The following BNC2 variants were observed in gnomAD, a reference collection of about 807,000 sequenced individuals.
The protein encoded by BNC2 is zinc finger protein basonuclin-2.
BNC2 carries 20 observed loss-of-function variants against 76.3 expected under a neutral mutation model. The observed-to-expected ratio is 0.26, with a 90% confidence interval of 0.18 to 0.38. The LOEUF (loss-of-function observed/expected upper bound fraction) is 0.38. BNC2 is among the 10% of genes least tolerant of loss of function. The pLI is 1.00. For missense variants in BNC2, 1,382 were observed against 1,399.8 expected (o/e 0.99, Z 0.20); for synonymous variants, 582 against 514.8 (o/e 1.13, Z -1.77).
chr9:16,476,603 T>C (rs1409854000), intron 5 of BNC2, among the ~76,000 whole-genome samples: 1 of 151,612 alleles, frequency 6.6e-6, no homozygotes, highest in Non-Finnish European at 1.5e-5. Context: ...TTTGACACTG[T>C]CCCCTCCCCC....
At chr9:16,776,743 G>A (rs564140411) in intron 1 of BNC2, among the ~76,000 whole-genome samples, 2 of 152,170 alleles carry the variant, frequency 1.3e-5, no homozygotes, top group African/African-American at 4.8e-5. Flanking sequence ...GAGGTGATAT[G>A]ATGGGCAACA....
chr9:16,780,346 G>T (rs12344799), intron 1 of BNC2, among the ~76,000 whole-genome samples: 69,057 of 151,510 alleles, frequency 0.46, 21,136 homozygotes, highest in Non-Finnish European at 0.69. Context: ...GGCCGAGGCT[G>T]GCAGATCATG....
At chr9:16,762,320 T>C (rs767060294) in intron 1 of BNC2, among the ~76,000 whole-genome samples, 5 of 152,188 alleles carry the variant, frequency 3.3e-5, no homozygotes, top group Non-Finnish European at 7.3e-5. Flanking sequence ...CAAAATGCCT[T>C]TGAACACTAT....
intron 3 of BNC2, among the ~76,000 whole-genome samples, chr9:16,666,249 T>A (rs79629668): frequency 0.02 from 3,016 of 152,302 alleles, 99 homozygotes; most frequent in African/African-American, 0.069. Flanking sequence ...CCAGAGGGCA[T>A]CTCTATCTAT....
intron 6 of BNC2, among the ~76,000 whole-genome samples, chr9:16,427,089 C>A (rs912690628): frequency 1.3e-5 from 2 of 152,184 alleles, no homozygotes; most frequent in African/African-American, 2.4e-5. Context: ...TCATTCCTGA[C>A]CAACAAAGAA....
intron 3 of BNC2, among the ~76,000 whole-genome samples, chr9:16,675,341 G>A (rs1199279857): frequency 2.0e-5 from 3 of 151,916 alleles, no homozygotes; most frequent in Non-Finnish European, 2.9e-5. Context: ...CACAACCTCT[G>A]CCTCCGGGCT....
chr9:16,844,921 A>C (rs1371101322), intron 1 of BNC2, among the ~76,000 whole-genome samples: 1 of 152,206 alleles, frequency 6.6e-6, no homozygotes, highest in Non-Finnish European at 1.5e-5. Flanking sequence ...AGTGTCCCTG[A>C]CCCACTAAAT....
chr9:16,795,933 G>A (rs565271602), intron 1 of BNC2, among the ~76,000 whole-genome samples: 1 of 152,288 alleles, frequency 6.6e-6, no homozygotes, highest in African/African-American at 2.4e-5. Flanking sequence ...GCACCTCCAA[G>A]AGCAAGCCAC....
chr9:16,625,021 T>G (rs907502950), intron 3 of BNC2, among the ~76,000 whole-genome samples: 5 of 152,228 alleles, frequency 3.3e-5, no homozygotes, highest in African/African-American at 9.6e-5. Context: ...GGAGTGCACA[T>G]TTTAGAAAGC....
intron 5 of BNC2, among the ~76,000 whole-genome samples, chr9:16,493,151 C>T (rs1260063111): frequency 1.3e-5 from 2 of 152,114 alleles, no homozygotes; most frequent in East Asian, 3.9e-4. Flanking sequence ...AGTACGCACG[C>T]AGAAAAAGCA....
intron 3 of BNC2, among the ~76,000 whole-genome samples, chr9:16,668,739 A>C (rs1822379451): frequency 6.6e-6 from 1 of 152,210 alleles, no homozygotes; most frequent in Non-Finnish European, 1.5e-5. Context: ...GGTTGCTGTT[A>C]CCTAGGGTAA....
At chr9:16,860,916 C>T (rs1011562059) in intron 1 of BNC2, among the ~76,000 whole-genome samples, 3 of 151,758 alleles carry the variant, frequency 2.0e-5, no homozygotes, top group Non-Finnish European at 4.4e-5. Flanking sequence ...CATGTTGGCA[C>T]ATGCCTGTAA....
chr9:16,559,033 T>A (rs1330144907), intron 4 of BNC2, among the ~76,000 whole-genome samples: 15 of 152,076 alleles, frequency 9.9e-5, no homozygotes, highest in Admixed American at 9.8e-4. Context: ...CTGCAATGAA[T>A]GGAATGAAGA....
In BNC2 at chr9:16,410,313, C is replaced by T. The variant is rs2118878917; in HGVS notation, c.*8676G>A. On this transcript the variant is annotated 3_prime_UTR_variant, in exon 7 of 7. Transcript: ENST00000380672. ...ATGGGCATTTGCCTCACTTGGAAACCACCCACTGGTGTGTCAGTCATCCTC... is the reference window on the plus strand; with the variant it reads ...ATGGGCATTTGCCTCACTTGGAAACTACCCACTGGTGTGTCAGTCATCCTC... 1.3e-5 allele frequency: 2 copies of T among 152,404 alleles called. No individual in the cohort carries two copies. Among genetic ancestry groups the T allele is most frequent in the Middle Eastern group, 6.8e-3 (2 of 294 alleles). 9.4% of individuals were successfully genotyped at this position (152,404 alleles called of 1,614,324 possible).
intron 3 of BNC2, among the ~76,000 whole-genome samples, chr9:16,591,251 A>T (rs148317013): frequency 6.6e-6 from 1 of 152,234 alleles, no homozygotes; most frequent in Non-Finnish European, 1.5e-5. Context: ...TAAGACCAGC[A>T]TGAACTACAA....
chr9:16,828,510 G>A (rs1169657783), intron 1 of BNC2, among the ~76,000 whole-genome samples: 2 of 152,116 alleles, frequency 1.3e-5, no homozygotes, highest in Non-Finnish European at 2.9e-5. Flanking sequence ...TAACTCTCAG[G>A]AGCAAACATT....
intron 1 of BNC2, among the ~76,000 whole-genome samples, chr9:16,744,652 G>A (rs1199207210): frequency 1.3e-5 from 2 of 152,132 alleles, no homozygotes; most frequent in Non-Finnish European, 2.9e-5. Context: ...TCCATGGGTG[G>A]GGTTTAAATA....
chr9:16,765,817 A>T (rs187920528), intron 1 of BNC2, among the ~76,000 whole-genome samples: 10 of 146,834 alleles, frequency 6.8e-5, no homozygotes, highest in Admixed American at 2.1e-4. Flanking sequence ...GACGGAGTCT[A>T]GCTCTGTCGC....
At chr9:16,587,140 A>C (rs887739687) in intron 3 of BNC2, among the ~76,000 whole-genome samples, 3 of 151,970 alleles carry the variant, frequency 2.0e-5, no homozygotes, top group Admixed American at 2.0e-4. Flanking sequence ...AAGTCAATCA[A>C]CTAGTAAAGT....
Sources: allele counts gnomAD v4.1 joint callset (sites outside exome capture counted in the v4.1 genomes callset), GRCh38; gene constraint gnomAD v4.1.1; transcripts MANE v1.5; gene names NCBI Gene and HGNC (gene_info 2026-07-23, HGNC 2026-07-21).